AK8: variants seen among roughly 807,000 people sequenced by gnomAD.
The protein encoded by AK8 is adenylate kinase 8, also known as ATP-AMP transphosphorylase 8.
Under a neutral mutation model 54.6 loss-of-function variants are expected in AK8, and 44 were observed. The observed-to-expected ratio is 0.81, with a 90% CI of 0.63 to 1.04. The LOEUF is 1.04. Ranked by LOEUF, AK8 falls within the 50% of genes least tolerant of loss-of-function variation. The pLI is 0.00. For missense variants in AK8, 555 were observed against 613.6 expected, an observed-to-expected ratio of 0.90 and a Z score of 1.01; for synonymous variants, 239 against 245.6, an observed-to-expected ratio of 0.97 and a Z score of 0.25.
At chr9:132,800,614 A>G (rs1473423229) in intron 10 of AK8, among the ~76,000 whole-genome samples, 1 of 152,180 alleles carries the variant, frequency 6.6e-6, no homozygotes, top group Non-Finnish European at 1.5e-5. Flanking sequence ...TTCTACTCTA[A>G]TATCTCTACT....
At chr9:132,800,250 G>A (rs1001953734) in intron 10 of AK8, among the ~76,000 whole-genome samples, 2 of 152,204 alleles carry the variant, frequency 1.3e-5, no homozygotes, top group Admixed American at 1.3e-4. Flanking sequence ...TGCCCTGAAG[G>A]CCCTGCAGCG....
chr9:132,784,769 C>G (rs1588127510), intron 11 of AK8, among the ~76,000 whole-genome samples: 1 of 151,978 alleles, frequency 6.6e-6, no homozygotes, highest in African/African-American at 2.4e-5. Context: ...ATCTATGTAC[C>G]CTAGCTGAAA....
intron 11 of AK8, among the ~76,000 whole-genome samples, chr9:132,754,799 GGT>G (rs1564384093): frequency 1.4e-5 from 2 of 143,994 alleles, no homozygotes; most frequent in Non-Finnish European, 3.0e-5. Flanking sequence ...TTTGTTTTTT[GGT>G]TTTTTTTTTT....
At chr9:132,798,192 AG>A (rs1242524622) in intron 10 of AK8, among the ~76,000 whole-genome samples, 3 of 152,188 alleles carry the variant, frequency 2.0e-5, no homozygotes, top group Admixed American at 1.3e-4. Flanking sequence ...GGCAGCACGC[AG>A]GGTTGAGGAG....
chr9:132,872,924 G>T (rs11792755), intron 2 of AK8, among the ~76,000 whole-genome samples: 30,732 of 152,060 alleles, frequency 0.2, 3,393 homozygotes, highest in East Asian at 0.44. Flanking sequence ...CCATTCTCCC[G>T]CCTCAGCCTC....
chr9:132,751,285 G>C (rs1486141294), intron 11 of AK8, among the ~76,000 whole-genome samples: 2 of 150,514 alleles, frequency 1.3e-5, no homozygotes, highest in Non-Finnish European at 3.0e-5. Context: ...TCAGGAGGCT[G>C]AGGCAGGAGA....
At chr9:132,818,308 AG>A (rs1304434575) in intron 9 of AK8, among the ~76,000 whole-genome samples, 4 of 152,238 alleles carry the variant, frequency 2.6e-5, no homozygotes, top group Non-Finnish European at 5.9e-5. Flanking sequence ...TACATATAAA[AG>A]TCTCTCCCCC....
chr9:132,792,676 T>C lies in AK8; in HGVS notation c.1079A>G (p.Asp360Gly), dbSNP rs1265287971. Residue 360 changes from aspartate to glycine, a missense_variant, in exon 11 of 13, where the codon GAC (aspartate) becomes GGC (glycine). By Grantham distance (94) the Asp-to-Gly change is moderately conservative. Transcript: ENST00000298545. The stretch of plus-strand genomic sequence containing the variant: ...CAGGCGGTTCAGCAGGTGTGCCTGG[T>C]CGAGGTCCCGCGGGACGCCGTGTAG... ...WVLHGVPRDL[D>G]QAHLLNRLGY... 1.3e-6 allele frequency: 2 copies of C among 1,555,578 alleles called. No individual in the cohort carries two copies. Among genetic ancestry groups the C allele is most frequent in the African/African-American group, 1.4e-5 (1 of 73,522 alleles).
intron 11 of AK8, among the ~76,000 whole-genome samples, chr9:132,771,963 C>G (rs74725206): frequency 0.027 from 4,163 of 152,190 alleles, 186 homozygotes; most frequent in African/African-American, 0.095. Context: ...GCAGGCAAAG[C>G]GAGAGAACTT....
In AK8 at chr9:132,828,074, A is replaced by C; in HGVS notation, c.495T>G (p.Ser165Arg). ...GITPRHVIVL[S>R]APDTVLIERN... ...TCTCGATCAGGACCGTGTCTGGAGC[A>C]CTCAGCACAACTGGGCAGAGAAGAA... Residue 165 changes from serine to arginine, a missense_variant, in exon 7 of 13, where the codon AGT becomes AGG. Coordinates refer to ENST00000298545, the MANE Select transcript of AK8 (RefSeq NM_152572.3). The C allele has an allele frequency of 6.4e-7, 1 of 1,570,504 alleles. No homozygotes were observed. The highest frequency in any genetic ancestry group is 1.3e-5 in the African/African-American group (1 of 74,106).
chr9:132,755,317 CT>C (rs1037713047), intron 11 of AK8, among the ~76,000 whole-genome samples: 2 of 152,230 alleles, frequency 1.3e-5, no homozygotes, highest in African/African-American at 4.8e-5. Flanking sequence ...GCCCCCTACC[CT>C]GCACACCAAG....
Position 132,799,718 on chromosome 9 carries a change from C to A in AK8, c.980-6943G>T, listed in dbSNP as rs562980985. Among the ~76,000 whole-genome samples the A allele has an allele frequency of 2.8e-4, 42 of 152,258 alleles. 1 individual carries two copies. Among genetic ancestry groups the A allele is most frequent in the Admixed American group, 3.3e-4 (5 of 15,292 alleles). On this transcript the variant is annotated intron_variant, in intron 10 of 12. Transcript: ENST00000298545. This position sits in a 1 kb window ranked among gnomAD's most constrained non-coding sequence, Gnocchi z 5.0. ...AGCACACACCCTCATTACACAAACA[C>A]ATCTAGCAAACACACCTACATACCT...
rs1272885712 is a variant in AK8, at chr9:132,791,384, AG to A, written c.1121+1249del. Among the ~76,000 whole-genome samples the A allele has an allele frequency of 5.3e-5, 8 of 152,230 alleles. No individual in the cohort carries two copies. Among genetic ancestry groups the A allele is most frequent in the East Asian group, 1.9e-4 (1 of 5,198 alleles). On this transcript the variant is annotated intron_variant, in intron 11 of 12. Coordinates refer to ENST00000298545, the MANE Select transcript of AK8 (RefSeq NM_152572.3). The surrounding 1 kb of genome is among the most constrained non-coding windows in gnomAD (Gnocchi z 4.0). The stretch of plus-strand genomic sequence containing the variant: ...CCTAACATGTGGGGATTATAGTTCA[AG>A]ATGAGATTTGGGTGGGAACACAGAG...
intron 9 of AK8, among the ~76,000 whole-genome samples, chr9:132,817,434 C>T (rs1279199601): frequency 1.3e-5 from 2 of 151,974 alleles, no homozygotes; most frequent in African/African-American, 4.8e-5. Flanking sequence ...TCAGAATCAG[C>T]ACACCAGGAC....
At chr9:132,840,621 AGTG>A (rs1283036421) in intron 5 of AK8, among the ~76,000 whole-genome samples, 6 of 152,252 alleles carry the variant, frequency 3.9e-5, no homozygotes, top group Admixed American at 3.9e-4. Flanking sequence ...GGCCAGGCAC[AGTG>A]GCTCATGCCT....
At chr9:132,863,504 T>A (rs1317507203) in intron 4 of AK8, among the ~76,000 whole-genome samples, 161 bp downstream of exon 4, 1 of 152,210 alleles carries the variant, frequency 6.6e-6, no homozygotes, top group Admixed American at 6.5e-5. Flanking sequence ...ATTATCTTCT[T>A]CCTTCCTTCA....
intron 11 of AK8, among the ~76,000 whole-genome samples, chr9:132,743,334 C>T (rs2130985207): frequency 6.6e-6 from 1 of 152,380 alleles, no homozygotes; most frequent in South Asian, 2.1e-4. Context: ...AGTGCATCTC[C>T]TCGTCACTGG....
chr9:132,796,425 C>T (rs1840175052), intron 10 of AK8, among the ~76,000 whole-genome samples: 1 of 152,094 alleles, frequency 6.6e-6, no homozygotes, highest in Admixed American at 6.5e-5. Context: ...TGTCTTTTGA[C>T]CCAGCAATCC....
intron 11 of AK8, among the ~76,000 whole-genome samples, chr9:132,755,262 C>T (rs1838132869): frequency 1.3e-5 from 2 of 152,124 alleles, no homozygotes; most frequent in African/African-American, 2.4e-5. Flanking sequence ...GTCCTGGCAC[C>T]CCCTCAGCCG....
Sources: gnomAD v4.1 joint callset for allele counts (sites outside exome capture counted in the v4.1 genomes callset) on GRCh38, gnomAD v4.1.1 for gene constraint, Gnocchi (gnomAD v3.1) non-coding constraint, MANE v1.5 for transcripts, NCBI Gene and HGNC (gene_info 2026-07-23, HGNC 2026-07-21) for gene names.